MTPN: variants seen among roughly 807,000 people sequenced by gnomAD.
MTPN encodes granule cell differentiation protein.
MTPN carries 2 observed loss-of-function variants against 13.5 expected under a neutral mutation model. The ratio of observed to expected loss-of-function variants is 0.15; its 90% CI spans 0.06 to 0.47. MTPN has a LOEUF of 0.47. Among genes scored for constraint, MTPN ranks in the 20% least tolerant of loss-of-function variants. The pLI, the probability that MTPN is intolerant of heterozygous loss-of-function variation, is 0.97. For synonymous variants in MTPN, 46 were observed against 51.7 expected, an observed-to-expected ratio of 0.89 and a Z score of 0.48; for missense variants, 79 against 137.9, an observed-to-expected ratio of 0.57 and a Z score of 2.14.
intron 3 of MTPN, among the ~76,000 whole-genome samples, chr7:135,939,503 C>T (rs1799169560): frequency 6.8e-6 from 1 of 146,522 alleles, no homozygotes; most frequent in Non-Finnish European, 1.5e-5. Context: ...CCCCCTCTTC[C>T]TGTTGTCAAC....
chr7:135,941,072 C>T (rs894309327), intron 3 of MTPN, among the ~76,000 whole-genome samples: 1 of 152,128 alleles, frequency 6.6e-6, no homozygotes, highest in Non-Finnish European at 1.5e-5. Context: ...TACTACCTGG[C>T]CCTTAACAGA....
At chr7:135,949,708 CTG>C (rs1436281062) in intron 3 of MTPN, among the ~76,000 whole-genome samples, 1 of 152,174 alleles carries the variant, frequency 6.6e-6, no homozygotes, top group East Asian at 1.9e-4. Context: ...CTTACTGAAG[CTG>C]ACACTACAAA....
At chr7:135,969,516 C>G (rs1379292831) in intron 1 of MTPN, among the ~76,000 whole-genome samples, 1 of 136,990 alleles carries the variant, frequency 7.3e-6, no homozygotes, top group Non-Finnish European at 1.6e-5. Flanking sequence ...GGTATGAGAA[C>G]TGTCAAAAAA....
intron 3 of MTPN, 50 bp downstream of exon 3, chr7:135,950,549 G>GTTTTGATT: frequency 7.4e-7 from 1 of 1,353,034 alleles, no homozygotes; most frequent in African/African-American, 1.5e-5. Flanking sequence ...TCAAATACTT[G>GTTTTGATT]GCTTAAACAC....
intron 1 of MTPN, among the ~76,000 whole-genome samples, chr7:135,954,891 C>T (rs529018389): frequency 3.9e-5 from 6 of 152,234 alleles, no homozygotes; most frequent in African/African-American, 1.2e-4. Flanking sequence ...TGCAGTAAGC[C>T]GAGATTGCGC....
intron 1 of MTPN, among the ~76,000 whole-genome samples, chr7:135,954,598 T>C (rs78218515): frequency 0.023 from 3,525 of 152,190 alleles, 152 homozygotes; most frequent in African/African-American, 0.08. Context: ...ATAAGTGCAA[T>C]AAATCATCAA....
chr7:135,971,865 T>C (rs1420456549), intron 1 of MTPN, among the ~76,000 whole-genome samples: 2 of 152,192 alleles, frequency 1.3e-5, no homozygotes, highest in South Asian at 2.1e-4. Context: ...CTGGACTGTG[T>C]AGGATCACAA....
At chr7:135,957,781 T>C (rs1190984950) in intron 1 of MTPN, among the ~76,000 whole-genome samples, 1 of 152,098 alleles carries the variant, frequency 6.6e-6, no homozygotes, top group Admixed American at 6.5e-5. Context: ...TCCCATTAGT[T>C]CTTGTGAGAG....
intron 3 of MTPN, among the ~76,000 whole-genome samples, chr7:135,947,545 C>G (rs1482118285): frequency 6.6e-6 from 1 of 152,120 alleles, no homozygotes; most frequent in African/African-American, 2.4e-5. Flanking sequence ...CTGTTGATCT[C>G]TACATTTTTC....
intron 1 of MTPN, among the ~76,000 whole-genome samples, chr7:135,957,483 T>C (rs1799458964): frequency 6.6e-6 from 1 of 151,694 alleles, no homozygotes; most frequent in Non-Finnish European, 1.5e-5. Context: ...ACCTGAATTC[T>C]TCTTAGTGTT....
Position 135,927,200 on chromosome 7 carries a change from A to G in MTPN, c.*2726T>C. On this transcript the variant is annotated 3_prime_UTR_variant, in exon 4 of 4. Coordinates refer to ENST00000393085, the MANE Select transcript of MTPN (RefSeq NM_145808.4). ...CAGTACTTGGGAAAAGATATCAATG[A>G]ATAAAAGGCCTACTTGTTTGCAGCT... 1.8e-6 allele frequency: 2 copies of G among 1,087,268 alleles called. No individual in the cohort carries two copies. The highest frequency in any genetic ancestry group is 2.5e-6 in the Non-Finnish European group (2 of 789,128). 67.4% of individuals were successfully genotyped at this position (1,087,268 alleles called of 1,614,324 possible). A position where few individuals can be genotyped will look rare whatever the true frequency, so the allele number is the denominator to read the frequency against.
chr7:135,956,019 T>C (rs1799438999), intron 1 of MTPN, among the ~76,000 whole-genome samples: 1 of 152,202 alleles, frequency 6.6e-6, no homozygotes, highest in Non-Finnish European at 1.5e-5. Flanking sequence ...ACCACTTCAA[T>C]GTTGCACTAG....
intron 1 of MTPN, among the ~76,000 whole-genome samples, chr7:135,961,479 ACTAT>A (rs935294023): frequency 6.6e-6 from 1 of 152,010 alleles, no homozygotes; most frequent in African/African-American, 2.4e-5. Flanking sequence ...ACAGAGAGAA[ACTAT>A]CTATAGCAAT....
At chr7:135,962,282 T>C (rs984937977) in intron 1 of MTPN, among the ~76,000 whole-genome samples, 3 of 151,714 alleles carry the variant, frequency 2.0e-5, no homozygotes, top group African/African-American at 4.8e-5. Context: ...ACCAAAAGCG[T>C]TAGCACAAAG....
chr7:135,962,691 A>G (rs1799543754), intron 1 of MTPN, among the ~76,000 whole-genome samples: 2 of 152,026 alleles, frequency 1.3e-5, no homozygotes, highest in African/African-American at 2.4e-5. Flanking sequence ...TTTCTCTTCA[A>G]CAGCAAAATC....
At chr7:135,962,445 A>C (rs908789963) in intron 1 of MTPN, among the ~76,000 whole-genome samples, 1 of 152,036 alleles carries the variant, frequency 6.6e-6, no homozygotes, top group Non-Finnish European at 1.5e-5. Flanking sequence ...AAATGTTAAA[A>C]TATTAAAGTA....
intron 1 of MTPN, among the ~76,000 whole-genome samples, chr7:135,957,507 G>GA (rs61674238): frequency 1.1e-4 from 16 of 148,288 alleles, no homozygotes; most frequent in South Asian, 2.2e-4. Flanking sequence ...AAATTGGAAA[G>GA]AAAAAAAAAA....
Position 135,928,476 on chromosome 7 carries a change from G to A in MTPN, c.*1450C>T, listed in dbSNP as rs970986439. On this transcript the variant is annotated 3_prime_UTR_variant, in exon 4 of 4. Coordinates refer to ENST00000393085, the MANE Select transcript of MTPN (RefSeq NM_145808.4). ...AATTCAATTATTATCCACAATCTGA[G>A]TATCAGTCCCTAACCCACCCTCCCC... 1.2e-5 allele frequency: 2 copies of A among 166,940 alleles called. No homozygotes were observed. Among genetic ancestry groups the A allele is most frequent in the Non-Finnish European group, 2.9e-5 (2 of 68,084 alleles). 10.3% of individuals were successfully genotyped at this position (166,940 alleles called of 1,614,324 possible). A position where few individuals can be genotyped will look rare whatever the true frequency, so the allele number is the denominator to read the frequency against.
At position 135,951,538 on chromosome 7, in the gene MTPN, C is replaced by T. The variant is rs373374544; in HGVS notation, c.165G>A (p.Leu55=). The change falls in exon 2 of 4, where the codon CTG becomes CTA. Residue 55 remains leucine, a synonymous_variant. Transcript: ENST00000393085. ...GTACATTAATATCTGCTCCTTTCAGCAGCAGAAATTCCAGGATTTCAAGCT... is the reference window on the plus strand; with the variant it reads ...GTACATTAATATCTGCTCCTTTCAGTAGCAGAAATTCCAGGATTTCAAGCT... ...CGQLEILEFL[L]LKGADINAPD... is the part of the protein sequence containing the mutation. 1.2e-6 allele frequency: 2 copies of T among 1,612,430 alleles called. No homozygotes were observed. The highest frequency in any genetic ancestry group is 8.5e-7 in the Non-Finnish European group (1 of 1,178,950).
Sources: allele counts gnomAD v4.1 joint callset (sites outside exome capture counted in the v4.1 genomes callset), GRCh38; gene constraint gnomAD v4.1.1; transcripts MANE v1.5; gene names NCBI Gene and HGNC (gene_info 2026-07-23, HGNC 2026-07-21).